The following ABCA13 variants were observed in gnomAD, a reference collection of about 807,000 sequenced individuals.
The protein encoded by ABCA13 is ATP binding cassette subfamily A member 13.
Under a neutral mutation model 478.7 loss-of-function variants are expected in ABCA13, and 476 were observed. That is an observed-to-expected ratio of 0.99 (90% CI 0.92 to 1.07). The LOEUF (loss-of-function observed/expected upper bound fraction) is 1.07. ABCA13 is among the 50% of genes least tolerant of loss of function. The pLI is 0.00. For synonymous variants in ABCA13, 2,252 were observed against 2,158.9 expected (o/e 1.04, Z -1.20); for missense variants, 6,060 against 5,910.6 (o/e 1.03, Z -0.83).
chr7:48,228,497 G>A (rs6973302), intron 6 of ABCA13, among the ~76,000 whole-genome samples: 51,766 of 151,946 alleles, frequency 0.34, 9,321 homozygotes, highest in Non-Finnish European at 0.39. Context: ...TGGGAGGCAC[G>A]GGTGCTGTTG....
intron 56 of ABCA13, 38 bp from the exon 57 acceptor site, chr7:48,587,116 T>G (rs1412215407): frequency 1.2e-6 from 2 of 1,610,502 alleles, no homozygotes; most frequent in East Asian, 4.5e-5. Context: ...GGCACTTTGG[T>G]GAATGCTGGT....
chr7:48,340,478 G>A (rs995549299), intron 29 of ABCA13, among the ~76,000 whole-genome samples: 2 of 152,126 alleles, frequency 1.3e-5, no homozygotes, highest in Non-Finnish European at 2.9e-5. Flanking sequence ...AGAAACATTA[G>A]AAAATACAAA....
At chr7:48,504,449 T>A (rs748988708) in intron 48 of ABCA13, among the ~76,000 whole-genome samples, 2 of 152,030 alleles carry the variant, frequency 1.3e-5, no homozygotes, top group Non-Finnish European at 2.9e-5. Context: ...ACTTCTTGGA[T>A]GTGTGGGGTG....
chr7:48,403,947 G>C (rs1817942585), intron 39 of ABCA13, 68 bp downstream of exon 39: 7 of 1,524,030 alleles, frequency 4.6e-6, no homozygotes, highest in Non-Finnish European at 6.2e-6. Context: ...CATTGCTACT[G>C]TACAGTAGAA....
At chr7:48,597,391 T>C (rs1424550302) in intron 58 of ABCA13, among the ~76,000 whole-genome samples, 1 of 152,212 alleles carries the variant, frequency 6.6e-6, no homozygotes, top group Non-Finnish European at 1.5e-5. Context: ...TTGTTTCCAG[T>C]GTTTTGCTAT....
chr7:48,579,982 T>G (rs1016650908), intron 55 of ABCA13, among the ~76,000 whole-genome samples: 1 of 152,198 alleles, frequency 6.6e-6, no homozygotes, highest in Non-Finnish European at 1.5e-5. Flanking sequence ...ATAAAGAGCT[T>G]TTCCTTTGTC....
chr7:48,359,994 A>C (rs955292482), intron 31 of ABCA13, among the ~76,000 whole-genome samples: 1 of 152,072 alleles, frequency 6.6e-6, no homozygotes, highest in African/African-American at 2.4e-5. Context: ...AGAAAGGCTT[A>C]AAGAAGTAAG....
chr7:48,513,299 A>G (rs1831851781), intron 51 of ABCA13, among the ~76,000 whole-genome samples: 1 of 152,234 alleles, frequency 6.6e-6, no homozygotes, highest in Admixed American at 6.5e-5. Flanking sequence ...GGGATAGTAT[A>G]CACGAATTGA....
At chr7:48,394,053 G>T (rs531476690) in intron 38 of ABCA13, among the ~76,000 whole-genome samples, 1 of 152,114 alleles carries the variant, frequency 6.6e-6, no homozygotes, top group African/African-American at 2.4e-5. Flanking sequence ...CTGATGTCAC[G>T]TGCTTTCAGT....
chr7:48,345,058 A>G (rs1807851860), intron 29 of ABCA13, among the ~76,000 whole-genome samples: 1 of 152,170 alleles, frequency 6.6e-6, no homozygotes, highest in African/African-American at 2.4e-5. Flanking sequence ...TGTTCCTATA[A>G]GGTCATAATG....
In ABCA13 at chr7:48,613,923, T is replaced by A. The variant is rs1009422399; in HGVS notation, c.14745-1362T>A. 5.2e-4 allele frequency among the ~76,000 whole-genome samples: 77 copies of A among 148,310 alleles called. 2 individuals are homozygous for A. Among genetic ancestry groups the A allele is most frequent in the Non-Finnish European group, 7.5e-4 (50 of 67,072 alleles). ...TATTTCAAATTGAAATGTCAAAATA[T>A]AATTTAAATTATAATTACACATTAA... On this transcript the variant is annotated intron_variant, in intron 58 of 61. Transcript: ENST00000435803.
At chr7:48,313,024 T>C in intron 24 of ABCA13, 43 bp from the exon 25 acceptor site, 2 of 1,491,180 alleles carry the variant, frequency 1.3e-6, no homozygotes, top group South Asian at 1.5e-5. Flanking sequence ...AAAAATACAG[T>C]GTTGGTTATT....
chr7:48,244,826 A>G (rs1228705419), intron 11 of ABCA13, 123 bp downstream of exon 11: 27 of 1,168,696 alleles, frequency 2.3e-5, no homozygotes, highest in Non-Finnish European at 3.1e-5. Flanking sequence ...CTGGTGTCAT[A>G]TGCATATTTA....
At chr7:48,305,939 A>G (rs1314257427) in intron 23 of ABCA13, among the ~76,000 whole-genome samples, 2 of 152,214 alleles carry the variant, frequency 1.3e-5, no homozygotes, top group Non-Finnish European at 1.5e-5. Context: ...GCATTAGCCT[A>G]TGCAAAGCCC....
At chr7:48,394,486 TTCCCACTCACTC>T (rs1284455684) in intron 38 of ABCA13, among the ~76,000 whole-genome samples, 1 of 152,148 alleles carries the variant, frequency 6.6e-6, no homozygotes, top group Non-Finnish European at 1.5e-5. Context: ...CCAGAACAAC[TTCCCACTCACTC>T]TCCTGAGTCC....
chr7:48,219,305 A>G lies in ABCA13; in HGVS notation c.288-49A>G, dbSNP rs1786985478. Reference sequence around the variant, plus strand: ...AAGAATCTTAAAAAATGCCAAGGAAACTTATTCTTGTTAAAGAGTTTCACT... The same window carrying G: ...AAGAATCTTAAAAAATGCCAAGGAAGCTTATTCTTGTTAAAGAGTTTCACT... On this transcript the variant is annotated intron_variant, in intron 3 of 61. Coordinates refer to ENST00000435803, the MANE Select transcript of ABCA13 (RefSeq NM_152701.5). 3 of 1,553,236 alleles carry G rather than the reference A, an allele frequency of 1.9e-6. No individual in the cohort carries two copies. In the East Asian group the frequency reaches 7.0e-5, roughly 36 times the overall value.
At chr7:48,454,482 A>G (rs73694635) in intron 42 of ABCA13, among the ~76,000 whole-genome samples, 10,959 of 151,874 alleles carry the variant, frequency 0.072, 538 homozygotes, top group African/African-American at 0.14. Context: ...ATGTTTTCAC[A>G]TTCGCTGCGT....
At chr7:48,527,747 A>G (rs1832976957) in intron 54 of ABCA13, among the ~76,000 whole-genome samples, 1 of 152,178 alleles carries the variant, frequency 6.6e-6, no homozygotes, top group Admixed American at 6.5e-5. Context: ...AAGAAGATAT[A>G]TAAGAAAGCT....
chr7:48,574,752 T>A (rs376902015), intron 55 of ABCA13, among the ~76,000 whole-genome samples: 1 of 152,322 alleles, frequency 6.6e-6, no homozygotes, highest in East Asian at 1.9e-4. Context: ...CCTCATTTTA[T>A]ATGTGTGACT....
Sources: gnomAD v4.1 joint callset for allele counts (sites outside exome capture counted in the v4.1 genomes callset) on GRCh38, gnomAD v4.1.1 for gene constraint, MANE v1.5 for transcripts, NCBI Gene and HGNC (gene_info 2026-07-23, HGNC 2026-07-21) for gene names.